ST7: variants seen among roughly 807,000 people sequenced by gnomAD.
ST7 encodes the protein suppressor of tumorigenicity 7 protein.
Under a neutral mutation model 78.7 loss-of-function variants are expected in ST7, and 28 were observed. The observed-to-expected ratio is 0.36, with a 90% CI of 0.26 to 0.49. The LOEUF is 0.49. ST7 is among the 20% of genes least tolerant of loss of function. ST7 has a pLI of 0.99. For synonymous variants in ST7, 247 were observed against 249.6 expected (o/e 0.99, Z 0.10); for missense variants, 418 against 696.0 (o/e 0.60, Z 4.49).
intron 1 of ST7, among the ~76,000 whole-genome samples, chr7:116,975,187 AG>A (rs1793636377): frequency 6.6e-6 from 1 of 152,316 alleles, no homozygotes; most frequent in South Asian, 2.1e-4. Context: ...ACATGGTAGC[AG>A]GCAAGAGAGC....
intron 1 of ST7, among the ~76,000 whole-genome samples, chr7:117,035,210 C>A (rs756817139): frequency 4.0e-5 from 6 of 150,912 alleles, no homozygotes; most frequent in Non-Finnish European, 7.4e-5. Context: ...CAGCTGCACA[C>A]CTGACTATAG....
At chr7:116,995,562 T>A (rs1794616039) in intron 1 of ST7, among the ~76,000 whole-genome samples, 1 of 152,236 alleles carries the variant, frequency 6.6e-6, no homozygotes, top group Non-Finnish European at 1.5e-5. Flanking sequence ...AGAAGGAAGC[T>A]GTTTTACAGA....
intron 9 of ST7, among the ~76,000 whole-genome samples, chr7:117,139,435 C>A (rs1805081308): frequency 6.6e-6 from 1 of 152,178 alleles, no homozygotes; most frequent in Non-Finnish European, 1.5e-5. Flanking sequence ...TTTGAGCACA[C>A]TAGGACTGCA....
chr7:117,021,616 G>A (rs2116038679), intron 1 of ST7, among the ~76,000 whole-genome samples: 1 of 152,306 alleles, frequency 6.6e-6, no homozygotes, highest in South Asian at 2.1e-4. Flanking sequence ...GACTGTTTGT[G>A]CATAGCTGAT....
At chr7:117,106,918 C>G (rs909026815) in intron 2 of ST7, among the ~76,000 whole-genome samples, 1 of 152,124 alleles carries the variant, frequency 6.6e-6, no homozygotes, top group African/African-American at 2.4e-5. Context: ...CTGTGCCTGG[C>G]CCATTGTATC....
At chr7:117,004,662 A>C (rs1795084405) in intron 1 of ST7, among the ~76,000 whole-genome samples, 2 of 152,102 alleles carry the variant, frequency 1.3e-5, no homozygotes, top group African/African-American at 2.4e-5. Flanking sequence ...CCCTGTCTCA[A>C]AATAAATAAA....
rs187490388 is a variant in ST7, at chr7:116,974,259, C to G, written c.151+20568C>G. On this transcript the variant is annotated intron_variant, in intron 1 of 15. Transcript: ENST00000323984. ...GTCTATAAAACCAAAGTATTTTTGG[C>G]ATGGTTTTAGTATATGCTTTTTCTT... Among the ~76,000 whole-genome samples, 142 of 151,740 alleles carry G rather than the reference C, an allele frequency of 9.4e-4. 2 individuals are homozygous for G. The highest frequency in any genetic ancestry group is 8.6e-3 in the Admixed American group (130 of 15,202).
At chr7:117,070,645 A>G (rs1455049078) in intron 1 of ST7, among the ~76,000 whole-genome samples, 1 of 151,962 alleles carries the variant, frequency 6.6e-6, no homozygotes, top group Non-Finnish European at 1.5e-5. Context: ...GGTTCACGCC[A>G]TTCTCCTGCC....
At chr7:117,090,651 A>G (rs1395078816) in intron 1 of ST7, 3 of 164,936 alleles carry the variant, frequency 1.8e-5, no homozygotes, top group African/African-American at 4.8e-5. Context: ...AGAAACAGAC[A>G]AACTTGTAAA....
chr7:117,137,256 A>G (rs1427580895), intron 8 of ST7: 1 of 152,166 alleles, frequency 6.6e-6, no homozygotes, highest in East Asian at 1.9e-4. Context: ...CATATACATG[A>G]GTATGTCCTC....
intron 1 of ST7, among the ~76,000 whole-genome samples, chr7:117,039,485 G>T (rs1186709540): frequency 6.6e-6 from 1 of 151,412 alleles, no homozygotes; most frequent in African/African-American, 2.4e-5. Flanking sequence ...GAGGTGGGAG[G>T]ATCACTTGAG....
intron 1 of ST7, among the ~76,000 whole-genome samples, chr7:116,979,127 C>T (rs1330409186): frequency 1.3e-5 from 2 of 152,090 alleles, no homozygotes; most frequent in Non-Finnish European, 2.9e-5. Context: ...GCATTGGGAG[C>T]CTGGAGAAAA....
At chr7:116,957,242 A>G (rs1391559688) in intron 1 of ST7, 1 of 152,404 alleles carries the variant, frequency 6.6e-6, no homozygotes. Context: ...ATTCTCTTAG[A>G]CCATACAGAG....
intron 1 of ST7, among the ~76,000 whole-genome samples, chr7:116,971,451 G>C (rs1019473394): frequency 2.0e-5 from 3 of 152,086 alleles, no homozygotes; most frequent in East Asian, 3.9e-4. Flanking sequence ...CAGTTGGGAG[G>C]GGGTAGAGAT....
intron 1 of ST7, among the ~76,000 whole-genome samples, chr7:117,009,264 T>G (rs548030386): frequency 0.054 from 1,490 of 27,756 alleles, 60 homozygotes; most frequent in East Asian, 0.24. Context: ...TTTGTTTTTT[T>G]TTTTTTGTTT....
intron 1 of ST7, among the ~76,000 whole-genome samples, chr7:117,076,854 C>T (rs77513631): frequency 0.02 from 3,081 of 152,322 alleles, 85 homozygotes; most frequent in African/African-American, 0.069. Context: ...TCACATGAGG[C>T]GGCTGTCCTC....
chr7:117,209,104 C>T (rs1472866967), intron 12 of ST7, among the ~76,000 whole-genome samples: 1 of 152,194 alleles, frequency 6.6e-6, no homozygotes, highest in African/African-American at 2.4e-5. Flanking sequence ...GAAGTATATC[C>T]ATTCTTGCCC....
At chr7:116,979,507 C>G (rs1793850868) in intron 1 of ST7, among the ~76,000 whole-genome samples, 1 of 152,198 alleles carries the variant, frequency 6.6e-6, no homozygotes, top group Admixed American at 6.5e-5. Context: ...CTAGCTCTAT[C>G]TCTTCCTTTT....
At chr7:117,147,495 T>A (rs1231185657) in intron 9 of ST7, among the ~76,000 whole-genome samples, 1 of 151,930 alleles carries the variant, frequency 6.6e-6, no homozygotes, top group Non-Finnish European at 1.5e-5. Context: ...ATTTTAAAAA[T>A]TTATTACATA....
Sources: gnomAD v4.1 joint callset for allele counts (sites outside exome capture counted in the v4.1 genomes callset) on GRCh38, gnomAD v4.1.1 for gene constraint, MANE v1.5 for transcripts, NCBI Gene and HGNC (gene_info 2026-07-23, HGNC 2026-07-21) for gene names.